Variants in IPO7 observed in about 807,000 individuals in gnomAD.
IPO7 encodes importin-7.
A neutral mutation model predicts 136.4 loss-of-function variants in IPO7; 13 were observed. The observed-to-expected ratio is 0.10, with a 90% CI of 0.06 to 0.15. The LOEUF (loss-of-function observed/expected upper bound fraction) is 0.15. IPO7 is among the 10% of genes least tolerant of loss of function. The pLI is 1.00. For synonymous variants in IPO7, 403 were observed against 404.4 expected (o/e 1.00, Z 0.04); for missense variants, 857 against 1,240.6 (o/e 0.69, Z 4.65).
At chr11:9,404,560 C>T (rs1052435450) in intron 2 of IPO7, among the ~76,000 whole-genome samples, 1 of 142,022 alleles carries the variant, frequency 7.0e-6, no homozygotes, top group Non-Finnish European at 1.5e-5. Context: ...TTCCGGTCTT[C>T]GGATTTTTTT....
chr11:9,403,551 A>G, intron 2 of IPO7, 180 bp downstream of exon 2: 1 of 531,498 alleles, frequency 1.9e-6, no homozygotes, highest in South Asian at 2.8e-5. Context: ...GTTTAAAGGA[A>G]TAATTTGACA....
intron 24 of IPO7, 69 bp downstream of exon 24, chr11:9,442,266 AT>A (rs1855469293): frequency 3.2e-6 from 2 of 626,598 alleles, no homozygotes; most frequent in East Asian, 5.9e-5. Context: ...ATATCGTTTA[AT>A]TTTATATCAT....
intron 20 of IPO7, 80 bp from the exon 21 acceptor site, chr11:9,437,674 C>G (rs1855398798): frequency 9.8e-7 from 1 of 1,021,204 alleles, no homozygotes; most frequent in Non-Finnish European, 1.5e-6. Context: ...TTAATTGAGG[C>G]AACAAAGAAG....
chr11:9,414,609 C>A (rs1404487683), intron 5 of IPO7, 198 bp downstream of exon 5: 22 of 254,994 alleles, frequency 8.6e-5, no homozygotes, highest in Non-Finnish European at 1.6e-4. Flanking sequence ...CATAAACAAC[C>A]CTAATGAATC....
intron 11 of IPO7, 28 bp from the exon 12 acceptor site, chr11:9,425,118 G>T (rs1317730203): frequency 6.9e-7 from 1 of 1,443,022 alleles, no homozygotes; most frequent in East Asian, 2.3e-5. Flanking sequence ...GGCCTATTCA[G>T]TAACAATACT....
chr11:9,399,456 C>T (rs897614495), intron 1 of IPO7, among the ~76,000 whole-genome samples: 3 of 152,024 alleles, frequency 2.0e-5, no homozygotes, highest in Non-Finnish European at 2.9e-5. Flanking sequence ...CCACCGCGCC[C>T]GGCAGCATTT....
chr11:9,416,446 TCATAGGG>T (rs1413924292), intron 5 of IPO7, among the ~76,000 whole-genome samples: 4 of 152,210 alleles, frequency 2.6e-5, no homozygotes, highest in African/African-American at 9.7e-5. Context: ...TTGAAAACTA[TCATAGGG>T]CATAGGGAAT....
At chr11:9,421,889 C>T (rs1049505942) in intron 8 of IPO7, among the ~76,000 whole-genome samples, 5 of 149,576 alleles carry the variant, frequency 3.3e-5, no homozygotes, top group Admixed American at 1.3e-4. Context: ...GCTTGCGGTG[C>T]GCAGAGATCC....
At chr11:9,403,466 T>A in intron 2 of IPO7, 95 bp downstream of exon 2, 1 of 868,710 alleles carries the variant, frequency 1.2e-6, no homozygotes. Context: ...CCTTTGGCAA[T>A]TTTTTCCCCC....
chr11:9,416,134 G>A (rs1472457425), intron 5 of IPO7, among the ~76,000 whole-genome samples: 1 of 152,074 alleles, frequency 6.6e-6, no homozygotes, highest in Non-Finnish European at 1.5e-5. Context: ...AGGAGTTCAA[G>A]GCTGCACTCC....
chr11:9,445,849 G>A lies in IPO7; in HGVS notation c.*655G>A, dbSNP rs1467047688. The A allele has an allele frequency of 8.7e-6, 1 of 114,748 alleles. No homozygotes were observed. Among genetic ancestry groups the A allele is most frequent in the African/African-American group, 3.3e-5 (1 of 29,868 alleles). The allele number at this position is 114,748 out of a possible 1,614,324, so 7.1% of individuals were successfully genotyped here. On this transcript the variant is annotated 3_prime_UTR_variant, in exon 25 of 25. Coordinates refer to ENST00000379719, the MANE Select transcript of IPO7 (RefSeq NM_006391.3). ...TAGCCTATGTATAAAATAGCAAAATGTTTGCTGTTTATAAAAAGATGTAAT... is the reference window on the plus strand; with the variant it reads ...TAGCCTATGTATAAAATAGCAAAATATTTGCTGTTTATAAAAAGATGTAAT...
intron 1 of IPO7, among the ~76,000 whole-genome samples, chr11:9,400,354 C>T (rs1156780283): frequency 5.3e-5 from 8 of 152,024 alleles, no homozygotes; most frequent in African/African-American, 1.5e-4. Context: ...TCATAGAGCC[C>T]GGTTGTCATA....
At chr11:9,416,316 A>G (rs192399606) in intron 5 of IPO7, among the ~76,000 whole-genome samples, 2 of 152,356 alleles carry the variant, frequency 1.3e-5, no homozygotes, top group Non-Finnish European at 2.9e-5. Context: ...GGGCACCTTA[A>G]TGCCATTCTA....
rs180847362 is a variant in IPO7 at position 9,411,015 on chromosome 11, C to G, written c.479+929C>G. Among the ~76,000 whole-genome samples the G allele has an allele frequency of 4.1e-4, 63 of 152,276 alleles. 1 individual carries two copies. The highest frequency in any genetic ancestry group is 3.9e-3 in the Admixed American group (59 of 15,294). On this transcript the variant is annotated intron_variant, in intron 4 of 24. Coordinates refer to ENST00000379719, the MANE Select transcript of IPO7 (RefSeq NM_006391.3). ...AAATATACCATTTACAGCATTGGTA[C>G]TGGTGTTTTCTTGTGTTCCCACCAG...
chr11:9,408,415 A>G (rs1854918243), intron 2 of IPO7, 71 bp from the exon 3 acceptor site: 2 of 947,512 alleles, frequency 2.1e-6, no homozygotes, highest in Non-Finnish European at 3.0e-6. Context: ...TACTTGAGGT[A>G]TGGACACTTG....
intron 8 of IPO7, 127 bp from the exon 9 acceptor site, chr11:9,422,879 A>G: frequency 2.1e-6 from 1 of 487,416 alleles, no homozygotes; most frequent in South Asian, 5.8e-5. Flanking sequence ...TTATTTTTCA[A>G]AGTATACGGT....
chr11:9,419,557 AAAATATATATATAT>A (rs1402114846), intron 6 of IPO7, among the ~76,000 whole-genome samples: 38 of 125,836 alleles, frequency 3.0e-4, no homozygotes, highest in African/African-American at 1.3e-3. Context: ...AAAAAAAAAA[AAAATATATATATAT>A]ATATATATAT....
chr11:9,420,464 C>G lies in IPO7; in HGVS notation c.780C>G (p.Cys260Trp), dbSNP rs755920593. The change falls in exon 7 of 25, where the codon TGC becomes TGG. Residue 260 changes from cysteine to tryptophan, a missense_variant. Physicochemically the swap from Cys to Trp is radical, Grantham distance 215 (BLOSUM62 -2). This residue lies in a region of IPO7 where 287 missense variants were observed against 307.5 expected (regional missense o/e 0.93). Coordinates refer to ENST00000379719, the MANE Select transcript of IPO7 (RefSeq NM_006391.3). Reference protein sequence around the residue: ...DDRPELPWWKCKKWALHILAR... With the variant: ...DDRPELPWWKWKKWALHILAR... ...GACCTGAGTTACCATGGTGGAAATG[C>G]AAGAAGTGGGCCTTACATATTTTAG... 1.9e-6 allele frequency: 3 copies of G among 1,612,206 alleles called. No individual in the cohort carries two copies. In the South Asian group the frequency reaches 3.3e-5, roughly 18 times the overall value.
Position 9,417,135 on chromosome 11 carries a change from G to A in IPO7, c.713G>A (p.Arg238Lys). 2 of 1,479,788 alleles carry A rather than the reference G, an allele frequency of 1.4e-6. No individual in the cohort carries two copies. The highest frequency in any genetic ancestry group is 9.4e-7 in the Non-Finnish European group (1 of 1,065,624). The allele number at this position is 1,479,788 out of a possible 1,614,324, so 91.7% of individuals were successfully genotyped here. A position where few individuals can be genotyped will look rare whatever the true frequency, so the allele number is the denominator to read the frequency against. ...WIEILKTVVN[R>K]DVPNETLQVE... is the part of the protein sequence containing the mutation. ...GAAATTTTAAAGACTGTTGTGAACAGGGATGTACCTAATGTAAGTTTCTGT... is the reference window on the plus strand; with the variant it reads ...GAAATTTTAAAGACTGTTGTGAACAAGGATGTACCTAATGTAAGTTTCTGT... The change falls in exon 6 of 25, where the codon AGG becomes AAG. Residue 238 changes from arginine (R) to lysine (K), a missense_variant. By Grantham distance (26) the Arg-to-Lys change is conservative. This residue lies in a region of IPO7 where 287 missense variants were observed against 307.5 expected (regional missense o/e 0.93). Transcript: ENST00000379719.
Sources: gnomAD v4.1 joint callset for allele counts (sites outside exome capture counted in the v4.1 genomes callset) on GRCh38, gnomAD v4.1.1 for gene constraint, gnomAD v4.1.1 regional missense constraint, MANE v1.5 for transcripts, NCBI Gene and HGNC (gene_info 2026-07-23, HGNC 2026-07-21) for gene names.